The following SORCS1 variants were observed in gnomAD, a reference collection of about 807,000 sequenced individuals.
SORCS1 encodes sortilin related VPS10 domain containing receptor 1.
SORCS1 carries 60 observed loss-of-function variants against 146.1 expected under a neutral mutation model. That is an observed-to-expected ratio of 0.41 (90% confidence interval 0.33 to 0.51). SORCS1 has a LOEUF of 0.51. SORCS1 is among the 20% of genes least tolerant of loss of function. The pLI is 0.21. For synonymous variants in SORCS1, 637 were observed against 584.0 expected, an observed-to-expected ratio of 1.09 and a Z score of -1.31; for missense variants, 1,352 against 1,487.6, an observed-to-expected ratio of 0.91 and a Z score of 1.50.
intron 2 of SORCS1, among the ~76,000 whole-genome samples, chr10:106,929,087 G>T (rs1953252590): frequency 6.6e-6 from 1 of 152,094 alleles, no homozygotes; most frequent in African/African-American, 2.4e-5. Context: ...GAAAGCAATG[G>T]CTCCTTCTGT....
At chr10:107,008,221 A>C (rs1957539326) in intron 1 of SORCS1, among the ~76,000 whole-genome samples, 1 of 152,124 alleles carries the variant, frequency 6.6e-6, no homozygotes, top group Non-Finnish European at 1.5e-5. Flanking sequence ...TCATAAAGCC[A>C]CTCAAAAAGA....
intron 2 of SORCS1, among the ~76,000 whole-genome samples, chr10:106,922,356 A>C (rs1952756487): frequency 1.3e-5 from 2 of 152,244 alleles, no homozygotes; most frequent in Non-Finnish European, 2.9e-5. Context: ...AGACTACAGC[A>C]GACTCTGGCA....
intron 12 of SORCS1, among the ~76,000 whole-genome samples, chr10:106,677,755 C>G (rs1373491192): frequency 6.6e-6 from 1 of 152,074 alleles, no homozygotes. Context: ...CAGAGGGAAC[C>G]TTAGAAATCA....
intron 1 of SORCS1, among the ~76,000 whole-genome samples, chr10:107,007,062 A>G (rs745563804): frequency 1.2e-4 from 18 of 152,078 alleles, no homozygotes; most frequent in Non-Finnish European, 2.1e-4. Context: ...TTTGTTCTCA[A>G]TTTTGTAGTA....
chr10:107,115,646 T>C (rs1362651944), intron 1 of SORCS1, among the ~76,000 whole-genome samples: 3 of 152,078 alleles, frequency 2.0e-5, no homozygotes, highest in African/African-American at 4.8e-5. Context: ...GTAAAACTCA[T>C]AGAAGAAAAC....
chr10:106,677,886 C>T (rs1183796606), intron 12 of SORCS1, among the ~76,000 whole-genome samples: 1 of 152,162 alleles, frequency 6.6e-6, no homozygotes, highest in Non-Finnish European at 1.5e-5. Context: ...TTACAGTGCC[C>T]TTTCCAGATC....
At chr10:106,640,808 G>T (rs372796741) in intron 18 of SORCS1, among the ~76,000 whole-genome samples, 18 of 152,140 alleles carry the variant, frequency 1.2e-4, no homozygotes, top group East Asian at 5.8e-4. Flanking sequence ...TGCATGCTTG[G>T]GTCTCAGTGC....
intron 2 of SORCS1, among the ~76,000 whole-genome samples, chr10:106,904,631 C>T (rs1164268848): frequency 6.6e-6 from 1 of 152,212 alleles, no homozygotes; most frequent in Admixed American, 6.5e-5. Flanking sequence ...TAAAAAGATG[C>T]ACAGCTACGT....
upstream of SORCS1, among the ~76,000 whole-genome samples, chr10:107,169,620 C>T (rs1970116123): frequency 6.6e-6 from 1 of 152,180 alleles, no homozygotes; most frequent in Non-Finnish European, 1.5e-5. Context: ...TGTCTCATCA[C>T]ACCTCTAAAC....
intron 24 of SORCS1, among the ~76,000 whole-genome samples, chr10:106,593,317 G>T (rs1019884780): frequency 6.6e-6 from 1 of 151,824 alleles, no homozygotes; most frequent in Non-Finnish European, 1.5e-5. Context: ...TAAAGGTAAC[G>T]TAGGAGCAAT....
intron 9 of SORCS1, among the ~76,000 whole-genome samples, chr10:106,693,396 G>C (rs1312985356): frequency 6.6e-6 from 1 of 152,184 alleles, no homozygotes; most frequent in African/African-American, 2.4e-5. Flanking sequence ...TACACCCTTA[G>C]GCCTGTGGCT....
chr10:107,141,520 T>C (rs1427978089), intron 1 of SORCS1, among the ~76,000 whole-genome samples: 1 of 152,174 alleles, frequency 6.6e-6, no homozygotes, highest in Admixed American at 6.5e-5. Flanking sequence ...AGTGCTCAGA[T>C]CACTGGCTCA....
intron 4 of SORCS1, among the ~76,000 whole-genome samples, chr10:106,764,740 T>C (rs1023400988): frequency 6.6e-6 from 1 of 152,156 alleles, no homozygotes; most frequent in Non-Finnish European, 1.5e-5. Context: ...AATGCCATTC[T>C]TGGCCGGGCG....
rs553032484 is a variant in SORCS1 at position 107,034,680 on chromosome 10, CAAAAAAAAAA to C, written c.559-78110_559-78101del. Among the ~76,000 whole-genome samples the C allele has an allele frequency of 3.3e-3, 45 of 13,798 alleles. 2 individuals are homozygous for C. The highest frequency in any genetic ancestry group is 0.062 in the Middle Eastern group (1 of 16). 9.1% of individuals were successfully genotyped at this position (13,798 alleles called of 152,430 possible). On this transcript the variant is annotated intron_variant, in intron 1 of 25. Transcript: ENST00000263054. ...GGGAAACATGAGCGAAACTCCATCT[CAAAAAAAAAA>C]AAAAAAAAAAAAAAAAACAATGTTC... is the stretch of plus-strand genomic sequence containing the variant.
intron 18 of SORCS1, among the ~76,000 whole-genome samples, chr10:106,634,202 C>T (rs1224474914): frequency 6.6e-6 from 1 of 152,134 alleles, no homozygotes; most frequent in Non-Finnish European, 1.5e-5. Context: ...AAATGAGTTG[C>T]TGGGTGGTAC....
chr10:106,582,047 A>G (rs1177903012), intron 24 of SORCS1, among the ~76,000 whole-genome samples: 2 of 152,108 alleles, frequency 1.3e-5, no homozygotes, highest in Non-Finnish European at 2.9e-5. Flanking sequence ...TGGCATTTGA[A>G]ATAAATGGAA....
chr10:106,945,810 A>C (rs1455030492), intron 2 of SORCS1, among the ~76,000 whole-genome samples: 1 of 152,228 alleles, frequency 6.6e-6, no homozygotes, highest in African/African-American at 2.4e-5. Flanking sequence ...GCAAACAAGG[A>C]GAGCAGGGGT....
intron 3 of SORCS1, among the ~76,000 whole-genome samples, chr10:106,778,642 T>C (rs1450063900): frequency 6.6e-6 from 1 of 152,236 alleles, no homozygotes; most frequent in East Asian, 1.9e-4. Context: ...AATGATCATA[T>C]TGTTTTGTGT....
chr10:106,913,480 C>T (rs551497936), intron 2 of SORCS1, among the ~76,000 whole-genome samples: 27 of 152,188 alleles, frequency 1.8e-4, no homozygotes, highest in South Asian at 2.1e-4. Context: ...GCCTACTCTA[C>T]GGCTTTCTCA....
Sources: allele counts gnomAD v4.1 joint callset (sites outside exome capture counted in the v4.1 genomes callset), GRCh38; gene constraint gnomAD v4.1.1; transcripts MANE v1.5; gene names NCBI Gene and HGNC (gene_info 2026-07-23, HGNC 2026-07-21).